CCND1: variants seen among roughly 807,000 people sequenced by gnomAD.
CCND1 encodes the protein cyclin D1, also known as G1/S-specific cyclin-D1.
In CCND1, 9 loss-of-function variants were observed where a neutral mutation model predicts 26.1. That is an observed-to-expected ratio of 0.35 (90% CI 0.21 to 0.60). CCND1 has a LOEUF of 0.60. CCND1 is among the 20% of genes least tolerant of loss of function. The probability of loss-of-function intolerance (pLI) is 0.79; values close to 1 mark genes in which losing one functional copy is unlikely to be tolerated. For missense variants in CCND1, 335 were observed against 392.9 expected (o/e 0.85, Z 1.25); for synonymous variants, 194 against 166.1 (o/e 1.17, Z -1.29).
Position 69,654,464 on chromosome 11 carries a change from G to T in CCND1, c.*3182G>T, listed in dbSNP as rs1429420358. 1 of 653,126 alleles carries T rather than the reference G, an allele frequency of 1.5e-6. No homozygotes were observed. The highest frequency in any genetic ancestry group is 2.2e-5 in the Admixed American group (1 of 46,010). The allele number at this position is 653,126 out of a possible 1,614,324, so 40.5% of individuals were successfully genotyped here. ...ACATGAAAGTCTAGAAATAAAACTGGTAAAACCCCAGCGTGGTGCCTGCCT... is the reference window on the plus strand; with the variant it reads ...ACATGAAAGTCTAGAAATAAAACTGTTAAAACCCCAGCGTGGTGCCTGCCT... On this transcript the variant is annotated 3_prime_UTR_variant, in exon 5 of 5. Coordinates refer to ENST00000227507, the MANE Select transcript of CCND1 (RefSeq NM_053056.3). This position sits in a 1 kb window ranked among gnomAD's most constrained non-coding sequence, Gnocchi z 6.3.
Position 69,653,557 on chromosome 11 carries a change from C to T in CCND1, c.*2275C>T. 1 of 544,906 alleles carries T rather than the reference C, an allele frequency of 1.8e-6. No individual in the cohort carries two copies. Among genetic ancestry groups the T allele is most frequent in the Non-Finnish European group, 3.2e-6 (1 of 311,210 alleles). The allele number at this position is 544,906 out of a possible 1,614,324, so 33.8% of individuals were successfully genotyped here. A position where few individuals can be genotyped will look rare whatever the true frequency, so the allele number is the denominator to read the frequency against. On this transcript the variant is annotated 3_prime_UTR_variant, in exon 5 of 5. Transcript: ENST00000227507. Reference sequence around the variant, plus strand: ...GGCAGGTTCTGCCTGCTTTGGCGGGCAGACACGCGGGCGCGATCCCACACA... The same window carrying T: ...GGCAGGTTCTGCCTGCTTTGGCGGGTAGACACGCGGGCGCGATCCCACACA...
intron 4 of CCND1, among the ~76,000 whole-genome samples, chr11:69,648,487 G>C (rs1418512946): frequency 6.6e-6 from 1 of 152,262 alleles, no homozygotes; most frequent in Non-Finnish European, 1.5e-5. Context: ...GGCGAGCTTT[G>C]TTTGGGCCAC....
At chr11:69,642,637 G>A (rs555250000) in intron 1 of CCND1, among the ~76,000 whole-genome samples, 1 of 152,112 alleles carries the variant, frequency 6.6e-6, no homozygotes, top group African/African-American at 2.4e-5. Flanking sequence ...CCACCTTTGT[G>A]TCTCGCAGGC....
chr11:69,648,390 G>C (rs1436795751), intron 4 of CCND1: 1 of 540,556 alleles, frequency 1.8e-6, no homozygotes, highest in Non-Finnish European at 3.3e-6. Flanking sequence ...AGGAGCCGTA[G>C]AGTTTCTGGG....
chr11:69,646,446 G>A (rs888265664), intron 3 of CCND1, among the ~76,000 whole-genome samples: 2 of 152,114 alleles, frequency 1.3e-5, no homozygotes, highest in African/African-American at 4.8e-5. Flanking sequence ...ATGAAGTCTC[G>A]GATGGGCCGC....
At position 69,653,685 on chromosome 11, in the gene CCND1, G is replaced by C. The variant is rs758843980; in HGVS notation, c.*2403G>C. The C allele has an allele frequency of 4.8e-5, 16 of 336,162 alleles. No homozygotes were observed. Among genetic ancestry groups the C allele is most frequent in the Admixed American group, 9.0e-5 (2 of 22,292 alleles). 20.8% of individuals were successfully genotyped at this position (336,162 alleles called of 1,614,324 possible). On this transcript the variant is annotated 3_prime_UTR_variant, in exon 5 of 5. Coordinates refer to ENST00000227507, the MANE Select transcript of CCND1 (RefSeq NM_053056.3). ...TCTCTTCCCTGCGCCTGTGATGCTG[G>C]GCACTTCATCTGATCGGGGGCGTAG...
intron 2 of CCND1, 197 bp downstream of exon 2, chr11:69,643,443 C>T (rs1395180274): frequency 6.2e-6 from 3 of 486,824 alleles, no homozygotes; most frequent in Admixed American, 4.4e-5. Context: ...GCCCTGTGTG[C>T]GCTTGCCTGC....
chr11:69,650,473 G>A (rs1855839976), intron 4 of CCND1, among the ~76,000 whole-genome samples: 1 of 152,202 alleles, frequency 6.6e-6, no homozygotes, highest in Non-Finnish European at 1.5e-5. Flanking sequence ...AGCGTCCGTC[G>A]CACTCCACCC....
At position 69,641,419 on chromosome 11, in the gene CCND1, G is replaced by A. The variant is rs746088878; in HGVS notation, c.106G>A (p.Glu36Lys). ...GCTGCGGGCCATGCTGAAGGCGGAGGAGACCTGCGCGCCCTCGGTGTCCTA... is the reference window on the plus strand; with the variant it reads ...GCTGCGGGCCATGCTGAAGGCGGAGAAGACCTGCGCGCCCTCGGTGTCCTA... ...RVLRAMLKAE[E>K]TCAPSVSYFK... Residue 36 changes from glutamate (E) to lysine (K), a missense_variant, in exon 1 of 5, where the codon GAG (glutamate) becomes AAG (lysine). By Grantham distance (56) the Glu-to-Lys change is moderately conservative. Coordinates refer to ENST00000227507, the MANE Select transcript of CCND1 (RefSeq NM_053056.3). 3 of 1,613,482 alleles carry A rather than the reference G, an allele frequency of 1.9e-6. No individual in the cohort carries two copies. Among genetic ancestry groups the A allele is most frequent in the Non-Finnish European group, 1.7e-6 (2 of 1,180,028 alleles).
intron 4 of CCND1, among the ~76,000 whole-genome samples, chr11:69,648,411 G>A (rs1257565986): frequency 1.3e-5 from 2 of 152,246 alleles, no homozygotes; most frequent in Non-Finnish European, 2.9e-5. Context: ...CGAAGCGTCC[G>A]GGACGGAGGC....
Position 69,641,305 on chromosome 11 carries a change from G to T in CCND1, c.-9G>T. The T allele has an allele frequency of 6.2e-7, 1 of 1,609,560 alleles. No individual in the cohort carries two copies. Among genetic ancestry groups the T allele is most frequent in the Non-Finnish European group, 8.5e-7 (1 of 1,179,732 alleles). ...AGCCCTCCCCAGCTGCCCAGGAAGA[G>T]CCCCAGCCATGGAACACCAGCTCCT... On this transcript the variant is annotated 5_prime_UTR_variant, in exon 1 of 5. Coordinates refer to ENST00000227507, the MANE Select transcript of CCND1 (RefSeq NM_053056.3).
intron 3 of CCND1, 194 bp downstream of exon 3, chr11:69,644,185 T>C (rs1855750149): frequency 1.6e-6 from 1 of 625,880 alleles, no homozygotes; most frequent in Admixed American, 2.5e-5. Context: ...GAGGGAGATT[T>C]GCTCCCTCAC....
At chr11:69,642,686 C>A (rs1456113884) in intron 1 of CCND1, among the ~76,000 whole-genome samples, 1 of 152,102 alleles carries the variant, frequency 6.6e-6, no homozygotes, top group Non-Finnish European at 1.5e-5. Context: ...CGGCCCCGCA[C>A]CCCAGTTGGT....
chr11:69,650,660 T>C (rs891759076), intron 4 of CCND1, among the ~76,000 whole-genome samples: 2 of 152,186 alleles, frequency 1.3e-5, no homozygotes, highest in African/African-American at 4.8e-5. Context: ...TCGACAGCCA[T>C]TGATCATGGA....
chr11:69,645,598 C>G (rs1048696518), intron 3 of CCND1, among the ~76,000 whole-genome samples: 1 of 152,208 alleles, frequency 6.6e-6, no homozygotes, highest in Non-Finnish European at 1.5e-5. Context: ...CTGCAAAGTG[C>G]TCCGGGTCCT....
intron 1 of CCND1, among the ~76,000 whole-genome samples, chr11:69,642,515 G>A (rs1486509934): frequency 6.6e-6 from 1 of 152,174 alleles, no homozygotes; most frequent in Non-Finnish European, 1.5e-5. Flanking sequence ...GTAAAGGGTC[G>A]CCCGAGGGTC....
chr11:69,651,231 G>A lies in CCND1; in HGVS notation c.837G>A (p.Glu279=), dbSNP rs1855851093. 1 of 1,600,838 alleles carries A rather than the reference G, an allele frequency of 6.2e-7. No individual in the cohort carries two copies. Among genetic ancestry groups the A allele is most frequent in the East Asian group, 2.3e-5 (1 of 43,954 alleles). ...KAAEEEEEEE[E]EVDLACTPTD... ...CCGAGGAGGAGGAAGAGGAGGAGGA[G>A]GAGGTGGACCTGGCTTGCACACCCA... The change falls in exon 5 of 5, where the codon GAG becomes GAA. Residue 279 remains glutamate, a synonymous_variant. Coordinates refer to ENST00000227507, the MANE Select transcript of CCND1 (RefSeq NM_053056.3).
At chr11:69,645,517 GCT>G (rs965373760) in intron 3 of CCND1, among the ~76,000 whole-genome samples, 4 of 152,308 alleles carry the variant, frequency 2.6e-5, no homozygotes, top group African/African-American at 9.6e-5. Flanking sequence ...CTGTGCACGT[GCT>G]CTCAGTGACT....
chr11:69,648,386 C>A, intron 4 of CCND1: 1 of 538,078 alleles, frequency 1.9e-6, no homozygotes, highest in South Asian at 2.6e-5. Context: ...TTCCAGGAGC[C>A]GTAGAGTTTC....
Sources: allele counts gnomAD v4.1 joint callset (sites outside exome capture counted in the v4.1 genomes callset), GRCh38; gene constraint gnomAD v4.1.1; non-coding constraint Gnocchi (gnomAD v3.1); transcripts MANE v1.5; gene names NCBI Gene and HGNC (gene_info 2026-07-23, HGNC 2026-07-21).